SLC5A10: variants seen among roughly 807,000 people sequenced by gnomAD.
SLC5A10 encodes sodium/mannose cotransporter SLC5A10.
Under a neutral mutation model 68.9 loss-of-function variants are expected in SLC5A10, and 55 were observed. That is an observed-to-expected ratio of 0.80 (90% CI 0.64 to 1.00). The LOEUF (loss-of-function observed/expected upper bound fraction) is 1.00. SLC5A10 is among the 50% of genes least tolerant of loss of function. SLC5A10 has a pLI of 0.00. For synonymous variants in SLC5A10, 344 were observed against 344.8 expected, an observed-to-expected ratio of 1.00 and a Z score of 0.02; for missense variants, 732 against 819.3, an observed-to-expected ratio of 0.89 and a Z score of 1.30.
At chr17:18,952,036 G>A, upstream of SLC5A10, 1 of 1,127,576 alleles carries the variant, frequency 8.9e-7, no homozygotes, top group Non-Finnish European at 1.2e-6. Flanking sequence ...GGGTGAGGAA[G>A]CTGAACTGCA....
At chr17:18,952,338 T>G (rs750252180) in intron 1 of SLC5A10, 22 bp downstream of exon 1, 10 of 1,601,860 alleles carry the variant, frequency 6.2e-6, no homozygotes, top group Non-Finnish European at 8.5e-6. Flanking sequence ...TGTGGTGGTG[T>G]TGGCCAAGTG....
At chr17:18,966,439 T>C (rs994719652) in intron 5 of SLC5A10, among the ~76,000 whole-genome samples, 1 of 152,148 alleles carries the variant, frequency 6.6e-6, no homozygotes, top group Admixed American at 6.5e-5. Flanking sequence ...ATTTGGGCCT[T>C]GACCTCCCCA....
chr17:18,990,450 G>A (rs984675071), intron 9 of SLC5A10, among the ~76,000 whole-genome samples: 1 of 152,180 alleles, frequency 6.6e-6, no homozygotes, highest in Non-Finnish European at 1.5e-5. Flanking sequence ...AGCCTCACGT[G>A]CCACCCTGGA....
chr17:19,017,161 G>T lies in SLC5A10; in HGVS notation c.1241+1962G>T, dbSNP rs1228796447. 2.5e-6 allele frequency: 2 copies of T among 798,742 alleles called. No homozygotes were observed. The highest frequency in any genetic ancestry group is 5.4e-5 in the East Asian group (2 of 37,106). The allele number at this position is 798,742 out of a possible 1,614,324, so 49.5% of individuals were successfully genotyped here. ...TGAGGAGCAAGGCACAAGGCTGCGTGGTGCAGGGCAGGTTGCTCACCCTCT... is the reference window on the plus strand; with the variant it reads ...TGAGGAGCAAGGCACAAGGCTGCGTTGTGCAGGGCAGGTTGCTCACCCTCT... On this transcript the variant is annotated intron_variant, in intron 11 of 14. Transcript: ENST00000395645. This position sits in a 1 kb window ranked among gnomAD's most constrained non-coding sequence, Gnocchi z 5.6.
chr17:18,980,059 C>T (rs553185713), intron 9 of SLC5A10, among the ~76,000 whole-genome samples: 152 of 152,190 alleles, frequency 1.0e-3, no homozygotes, highest in African/African-American at 3.4e-3. Flanking sequence ...GATGTGCACA[C>T]GTTTTAGAAG....
At chr17:18,974,054 G>C (rs867475396) in intron 8 of SLC5A10, among the ~76,000 whole-genome samples, 2 of 151,948 alleles carry the variant, frequency 1.3e-5, no homozygotes, top group Non-Finnish European at 2.9e-5. Context: ...CATCATGCCC[G>C]GCTAATTTTT....
intron 8 of SLC5A10, among the ~76,000 whole-genome samples, chr17:18,974,958 C>A (rs1172484948): frequency 6.6e-6 from 1 of 152,164 alleles, no homozygotes; most frequent in African/African-American, 2.4e-5. Flanking sequence ...AAAGCCCCTG[C>A]CCTATTCAGG....
rs201344489 is a variant in SLC5A10 at position 18,978,292 on chromosome 17, C to A, written c.982+1303C>A. ...CCTGGCTCTGCTTCCACAGCTGGTG[C>A]TGGGCGCTGGCCTGGGAGGTGTCAC... is the stretch of plus-strand genomic sequence containing the variant. On this transcript the variant is annotated intron_variant, in intron 9 of 14. Coordinates refer to ENST00000395645, the MANE Select transcript of SLC5A10 (RefSeq NM_001042450.4). 13,639 of 1,610,736 alleles carry A rather than the reference C, an allele frequency of 8.5e-3. 57 individuals are homozygous for A. Among genetic ancestry groups the A allele is most frequent in the Non-Finnish European group, 0.011 (12,376 of 1,178,518 alleles).
At chr17:18,953,027 T>G (rs985791893) in intron 1 of SLC5A10, among the ~76,000 whole-genome samples, 1 of 152,048 alleles carries the variant, frequency 6.6e-6, no homozygotes, top group African/African-American at 2.4e-5. Context: ...TGCTCCACGC[T>G]TAGCGCCTGG....
Position 19,004,129 on chromosome 17 carries a change from G to A in SLC5A10, c.983-9281G>A, listed in dbSNP as rs2043813715. On this transcript the variant is annotated intron_variant, in intron 9 of 14. Transcript: ENST00000395645. The surrounding 1 kb of genome is among the most constrained non-coding windows in gnomAD (Gnocchi z 5.4). Reference sequence around the variant, plus strand: ...GCCCAGCTGGGGCACCGCGCGCTCGGGGGCCTCTCCGCGGCCTCTGCTTCT... The same window carrying A: ...GCCCAGCTGGGGCACCGCGCGCTCGAGGGCCTCTCCGCGGCCTCTGCTTCT... 3.0e-6 allele frequency: 4 copies of A among 1,329,512 alleles called. No homozygotes were observed. The East Asian group carries it at 7.2e-5, about 24-fold the overall frequency. 82.4% of individuals were successfully genotyped at this position (1,329,512 alleles called of 1,614,324 possible).
In SLC5A10 at chr17:19,015,014, C is replaced by T. The variant is rs202060564; in HGVS notation, c.1091-35C>T. 14 of 1,595,944 alleles carry T rather than the reference C, an allele frequency of 8.8e-6. No individual in the cohort carries two copies. In the African/African-American group the frequency reaches 1.9e-4, roughly 21 times the overall value. On this transcript the variant is annotated intron_variant, in intron 10 of 14. Coordinates refer to ENST00000395645, the MANE Select transcript of SLC5A10 (RefSeq NM_001042450.4). ...AGGGGTTCCCGGGGCTGTCTCAAGG[C>T]CGGACAGGGTCACACATCCCCCGTC...
At chr17:19,011,422 C>T (rs969851932) in intron 9 of SLC5A10, among the ~76,000 whole-genome samples, 11 of 152,050 alleles carry the variant, frequency 7.2e-5, no homozygotes, top group Admixed American at 1.3e-4. Context: ...GGCTCGTGCA[C>T]GGTGCTGGGA....
Position 19,019,532 on chromosome 17 carries a change from G to C in SLC5A10, c.1351G>C (p.Ala451Pro). The change falls in exon 12 of 15, where the codon GCC (alanine) becomes CCC (proline). Residue 451 changes from alanine to proline, a missense_variant. By Grantham distance (27) the Ala-to-Pro change is conservative. Coordinates refer to ENST00000395645, the MANE Select transcript of SLC5A10 (RefSeq NM_001042450.4). ...IYMQSVTSSLAPPVTAVFVLG... is the reference protein window; with the variant it reads ...IYMQSVTSSLPPPVTAVFVLG... ...CATGCAGTCAGTGACCAGCTCCCTG[G>C]CCCCACCAGTGACTGCAGTCTTTGT... The C allele has an allele frequency of 2.5e-6, 4 of 1,612,274 alleles. No individual in the cohort carries two copies. The highest frequency in any genetic ancestry group is 3.4e-6 in the Non-Finnish European group (4 of 1,179,972).
chr17:19,014,146 G>A (rs1239891606), intron 10 of SLC5A10, among the ~76,000 whole-genome samples: 1 of 152,226 alleles, frequency 6.6e-6, no homozygotes, highest in Non-Finnish European at 1.5e-5. Flanking sequence ...CCTATGTCAG[G>A]CTTATCCTAG....
intron 9 of SLC5A10, among the ~76,000 whole-genome samples, chr17:18,982,646 C>G (rs960932258): frequency 6.6e-6 from 1 of 152,192 alleles, no homozygotes; most frequent in Non-Finnish European, 1.5e-5. Flanking sequence ...AAGGTGGGGG[C>G]TCCAGGGCTG....
intron 7 of SLC5A10, chr17:18,970,098 C>T (rs143585344): frequency 6.6e-6 from 1 of 152,390 alleles, no homozygotes; most frequent in African/African-American, 2.4e-5. Flanking sequence ...CTGAGCCTCA[C>T]ACAAACCCTC....
At chr17:18,990,466 G>A (rs942317708) in intron 9 of SLC5A10, among the ~76,000 whole-genome samples, 2 of 152,210 alleles carry the variant, frequency 1.3e-5, no homozygotes, top group African/African-American at 4.8e-5. Context: ...CTGGAAAGGA[G>A]CCTAATGAGG....
chr17:19,015,801 A>C (rs1357810760), intron 11 of SLC5A10, among the ~76,000 whole-genome samples: 1 of 152,190 alleles, frequency 6.6e-6, no homozygotes, highest in Admixed American at 6.5e-5. Context: ...TTCCCACAGC[A>C]CATGTGGCCA....
chr17:18,990,507 A>G (rs1597872980), intron 9 of SLC5A10, among the ~76,000 whole-genome samples: 1 of 152,210 alleles, frequency 6.6e-6, no homozygotes, highest in Non-Finnish European at 1.5e-5. Flanking sequence ...CCTGGAGGGC[A>G]CCAGGCCCTG....
Sources: gnomAD v4.1 joint callset for allele counts (sites outside exome capture counted in the v4.1 genomes callset) on GRCh38, gnomAD v4.1.1 for gene constraint, Gnocchi (gnomAD v3.1) non-coding constraint, MANE v1.5 for transcripts, NCBI Gene and HGNC (gene_info 2026-07-23, HGNC 2026-07-21) for gene names.